Variants in ADGRL3 observed in about 807,000 individuals in gnomAD.
ADGRL3 encodes adhesion G protein-coupled receptor L3.
A neutral mutation model predicts 153.5 loss-of-function variants in ADGRL3; 62 were observed. That is an observed-to-expected ratio of 0.40 (90% CI 0.33 to 0.50). The LOEUF is 0.50. Ranked by LOEUF, ADGRL3 falls within the 20% of genes least tolerant of loss-of-function variation. ADGRL3 has a pLI of 0.47. For missense variants in ADGRL3, 1,641 were observed against 1,859.4 expected (o/e 0.88, Z 2.16); for synonymous variants, 710 against 672.5 (o/e 1.06, Z -0.86).
At chr4:61,748,393 C>A (rs1397163063) in intron 8 of ADGRL3, among the ~76,000 whole-genome samples, 1 of 151,152 alleles carries the variant, frequency 6.6e-6, no homozygotes, top group Non-Finnish European at 1.5e-5. Context: ...AAAGAGCCTG[C>A]ATTCCCAAGT....
chr4:61,781,428 A>T (rs2097213270), intron 8 of ADGRL3, among the ~76,000 whole-genome samples: 1 of 151,892 alleles, frequency 6.6e-6, no homozygotes, highest in East Asian at 1.9e-4. Context: ...TTCTTTATGT[A>T]TGTTAACCTC....
At chr4:61,621,743 T>C (rs1469278931) in intron 5 of ADGRL3, among the ~76,000 whole-genome samples, 2 of 152,184 alleles carry the variant, frequency 1.3e-5, no homozygotes, top group African/African-American at 4.8e-5. Context: ...GCAGCGCTAA[T>C]TAATTGAATA....
chr4:61,617,500 G>C (rs1181978897), intron 5 of ADGRL3, among the ~76,000 whole-genome samples: 1 of 151,856 alleles, frequency 6.6e-6, no homozygotes, highest in Non-Finnish European at 1.5e-5. Flanking sequence ...ATTATTTTCC[G>C]TGGTCACCAA....
intron 5 of ADGRL3, among the ~76,000 whole-genome samples, chr4:61,600,135 C>A (rs375500608): frequency 9.6e-4 from 145 of 151,754 alleles, no homozygotes; most frequent in African/African-American, 3.2e-3. Context: ...TGATGAAACC[C>A]CTTCTCTACT....
At chr4:61,777,896 G>C (rs540393808) in intron 8 of ADGRL3, among the ~76,000 whole-genome samples, 41 of 152,168 alleles carry the variant, frequency 2.7e-4, no homozygotes, top group Middle Eastern at 6.8e-3. Flanking sequence ...ACTCTCCTAG[G>C]GAAACATAGG....
intron 9 of ADGRL3, among the ~76,000 whole-genome samples, chr4:61,854,353 A>G (rs1411621397): frequency 6.6e-6 from 1 of 152,196 alleles, no homozygotes; most frequent in Non-Finnish European, 1.5e-5. Flanking sequence ...TACAAAATAA[A>G]TCTGGAGAAT....
chr4:61,843,816 A>G (rs2098070871), intron 9 of ADGRL3, among the ~76,000 whole-genome samples: 1 of 152,086 alleles, frequency 6.6e-6, no homozygotes, highest in Non-Finnish European at 1.5e-5. Context: ...GTTCGAGACA[A>G]GCCTGGGCAA....
chr4:62,037,594 G>A, intron 23 of ADGRL3, 137 bp from the exon 24 acceptor site: 1 of 964,320 alleles, frequency 1.0e-6, no homozygotes, highest in Non-Finnish European at 1.6e-6. Context: ...TAAAATATAT[G>A]CTGAACAGAC....
At chr4:61,557,726 C>G (rs569535236) in intron 4 of ADGRL3, among the ~76,000 whole-genome samples, 18 of 151,992 alleles carry the variant, frequency 1.2e-4, no homozygotes, top group African/African-American at 4.3e-4. Context: ...AGGGTGTGCA[C>G]TCTTTAGTGA....
chr4:61,744,192 G>A (rs1368523467), intron 8 of ADGRL3, among the ~76,000 whole-genome samples: 1 of 152,168 alleles, frequency 6.6e-6, no homozygotes, highest in Non-Finnish European at 1.5e-5. Context: ...GCTAGCTTAG[G>A]TAAACAAAGC....
intron 1 of ADGRL3, among the ~76,000 whole-genome samples, chr4:61,220,273 A>T (rs1344203852): frequency 1.3e-5 from 2 of 152,076 alleles, no homozygotes; most frequent in Admixed American, 1.3e-4. Flanking sequence ...TCATACGTGA[A>T]ATGTGTCTTG....
intron 25 of ADGRL3, among the ~76,000 whole-genome samples, chr4:62,065,755 G>A (rs1213160557): frequency 1.3e-5 from 2 of 151,822 alleles, no homozygotes; most frequent in African/African-American, 2.4e-5. Flanking sequence ...TTCAATATCT[G>A]CCTTCTTGTC....
chr4:61,852,102 A>G (rs2098211650), intron 9 of ADGRL3, among the ~76,000 whole-genome samples: 1 of 152,130 alleles, frequency 6.6e-6, no homozygotes, highest in African/African-American at 2.4e-5. Flanking sequence ...GAGGGTAGCC[A>G]TATTACTGTG....
chr4:61,657,613 C>A (rs1260480746), intron 5 of ADGRL3, among the ~76,000 whole-genome samples: 4 of 151,894 alleles, frequency 2.6e-5, no homozygotes, highest in Non-Finnish European at 5.9e-5. Context: ...CTATACTTAA[C>A]CAACTACAGT....
chr4:61,344,243 G>A (rs2095857569), intron 1 of ADGRL3, among the ~76,000 whole-genome samples: 1 of 152,132 alleles, frequency 6.6e-6, no homozygotes, highest in South Asian at 2.1e-4. Flanking sequence ...AAAGTCACTT[G>A]AATGAAAAGT....
At position 61,415,083 on chromosome 4, in the gene ADGRL3, G is replaced by T. The variant is rs548588031; in HGVS notation, c.-174+31894G>T. Among the ~76,000 whole-genome samples, 4 of 151,606 alleles carry T rather than the reference G, an allele frequency of 2.6e-5. No homozygotes were observed. In the South Asian group the frequency reaches 8.3e-4, roughly 32 times the overall value. On this transcript the variant is annotated intron_variant, in intron 2 of 26. Coordinates refer to ENST00000683033, the MANE Select transcript of ADGRL3 (RefSeq NM_001387552.1). ...TTTTGACATTAGAAAATAACTTTAGGTATTTTTTAGTGAAGACAGTCTTTA... is the reference window on the plus strand; with the variant it reads ...TTTTGACATTAGAAAATAACTTTAGTTATTTTTTAGTGAAGACAGTCTTTA...
intron 1 of ADGRL3, among the ~76,000 whole-genome samples, chr4:61,316,788 C>G (rs1312113138): frequency 1.3e-5 from 2 of 152,120 alleles, no homozygotes; most frequent in African/African-American, 4.8e-5. Context: ...TGACTGTTTA[C>G]TTTGAGATCA....
chr4:61,282,035 A>T (rs1029786811), intron 1 of ADGRL3, among the ~76,000 whole-genome samples: 2 of 152,036 alleles, frequency 1.3e-5, no homozygotes, highest in East Asian at 3.9e-4. Flanking sequence ...GGCTATCAAG[A>T]TTCTGTATAG....
chr4:61,718,071 C>A (rs78557478), intron 6 of ADGRL3, among the ~76,000 whole-genome samples: 2,587 of 151,850 alleles, frequency 0.017, 50 homozygotes, highest in East Asian at 0.079. Flanking sequence ...AAATAAAATA[C>A]AATACAATAA....
Sources: gnomAD v4.1 joint callset for allele counts (sites outside exome capture counted in the v4.1 genomes callset) on GRCh38, gnomAD v4.1.1 for gene constraint, MANE v1.5 for transcripts, NCBI Gene and HGNC (gene_info 2026-07-23, HGNC 2026-07-21) for gene names.